TBC1D8: variants seen among roughly 807,000 people sequenced by gnomAD.
The protein encoded by TBC1D8 is TBC1 domain family member 8, also known as BUB2-like protein 1.
Under a neutral mutation model 118.8 loss-of-function variants are expected in TBC1D8, and 65 were observed. That is an observed-to-expected ratio of 0.55 (90% CI 0.45 to 0.67). The LOEUF (loss-of-function observed/expected upper bound fraction) is 0.67. Among genes scored for constraint, TBC1D8 ranks in the 30% least tolerant of loss-of-function variants. The probability of loss-of-function intolerance (pLI) is 0.00; values close to 1 mark genes in which losing one functional copy is unlikely to be tolerated. For synonymous variants in TBC1D8, 566 were observed against 595.8 expected, an observed-to-expected ratio of 0.95 and a Z score of 0.73; for missense variants, 1,376 against 1,471.2, an observed-to-expected ratio of 0.94 and a Z score of 1.06.
chr2:101,091,220 G>A (rs1676014191), intron 1 of TBC1D8, among the ~76,000 whole-genome samples: 1 of 152,174 alleles, frequency 6.6e-6, no homozygotes, highest in Non-Finnish European at 1.5e-5. Context: ...AGCAGGTGGA[G>A]GTTGCAGCAA....
At chr2:101,131,770 G>A (rs1332849099) in intron 1 of TBC1D8, among the ~76,000 whole-genome samples, 1 of 152,000 alleles carries the variant, frequency 6.6e-6, no homozygotes, top group African/African-American at 2.4e-5. Flanking sequence ...AGCCAAGATC[G>A]TGACACGACA....
At chr2:101,096,048 T>G (rs1676398306) in intron 1 of TBC1D8, among the ~76,000 whole-genome samples, 1 of 152,172 alleles carries the variant, frequency 6.6e-6, no homozygotes, top group Non-Finnish European at 1.5e-5. Context: ...TCAGACTCTA[T>G]TTGAGAAAGA....
intron 1 of TBC1D8, among the ~76,000 whole-genome samples, chr2:101,120,191 T>G (rs1356333983): frequency 6.6e-6 from 1 of 152,172 alleles, no homozygotes; most frequent in Non-Finnish European, 1.5e-5. Flanking sequence ...CCTTCACATC[T>G]TGCCCACAAC....
At chr2:101,037,140 G>A (rs1681057773) in intron 8 of TBC1D8, among the ~76,000 whole-genome samples, 1 of 152,080 alleles carries the variant, frequency 6.6e-6, no homozygotes, top group Non-Finnish European at 1.5e-5. Flanking sequence ...AATATTTCCA[G>A]TTTAGTAAAA....
chr2:101,107,240 GA>G (rs1312740144), intron 1 of TBC1D8, among the ~76,000 whole-genome samples: 1 of 152,186 alleles, frequency 6.6e-6, no homozygotes, highest in Non-Finnish European at 1.5e-5. Context: ...GCTTACTATA[GA>G]TACAAAGGGT....
chr2:101,139,507 C>T (rs1253072398), intron 1 of TBC1D8, among the ~76,000 whole-genome samples: 5 of 151,810 alleles, frequency 3.3e-5, no homozygotes, highest in Admixed American at 6.6e-5. Flanking sequence ...CAGAGCAGAC[C>T]CCTCCCTCCT....
intron 15 of TBC1D8, among the ~76,000 whole-genome samples, chr2:101,024,365 G>A (rs1680213069): frequency 6.6e-6 from 1 of 150,922 alleles, no homozygotes; most frequent in Non-Finnish European, 1.5e-5. Flanking sequence ...GGAGTGTGGG[G>A]AAATGAGTCC....
chr2:101,029,186 C>T (rs1018828190), intron 12 of TBC1D8, among the ~76,000 whole-genome samples: 3 of 152,128 alleles, frequency 2.0e-5, no homozygotes, highest in Admixed American at 6.6e-5. Flanking sequence ...GCCAGGAGTT[C>T]GAGACCAACC....
At chr2:101,138,839 T>C (rs553311456) in intron 1 of TBC1D8, among the ~76,000 whole-genome samples, 2 of 152,036 alleles carry the variant, frequency 1.3e-5, no homozygotes, top group Non-Finnish European at 2.9e-5. Context: ...ATCATTAATC[T>C]CCAGCCCCTG....
intron 1 of TBC1D8, among the ~76,000 whole-genome samples, chr2:101,130,419 C>T (rs1678542680): frequency 6.6e-6 from 1 of 152,172 alleles, no homozygotes; most frequent in African/African-American, 2.4e-5. Flanking sequence ...GAGAAGGTGC[C>T]AGAAAGACTT....
At chr2:101,042,781 G>C (rs1681462604) in intron 5 of TBC1D8, among the ~76,000 whole-genome samples, 1 of 151,618 alleles carries the variant, frequency 6.6e-6, no homozygotes, top group Admixed American at 6.6e-5. Context: ...ATTTTCTTTA[G>C]GGAAAAGTAC....
At chr2:101,120,755 C>T (rs1472300210) in intron 1 of TBC1D8, among the ~76,000 whole-genome samples, 3 of 152,210 alleles carry the variant, frequency 2.0e-5, no homozygotes, top group African/African-American at 7.2e-5. Flanking sequence ...GCCAAGTGCC[C>T]CATGGGCAGT....
At chr2:101,143,865 C>A (rs1297006430) in intron 1 of TBC1D8, among the ~76,000 whole-genome samples, 3 of 152,216 alleles carry the variant, frequency 2.0e-5, no homozygotes, top group African/African-American at 4.8e-5. Flanking sequence ...CCGGCATCAA[C>A]AGGTAGTCCT....
At chr2:101,069,786 A>AT (rs941453069) in intron 2 of TBC1D8, among the ~76,000 whole-genome samples, 1 of 151,892 alleles carries the variant, frequency 6.6e-6, no homozygotes, top group African/African-American at 2.4e-5. Context: ...ATTTTATGGG[A>AT]TTTTTTTTCT....
intron 17 of TBC1D8, among the ~76,000 whole-genome samples, chr2:101,014,156 T>C (rs1679439756): frequency 6.6e-6 from 1 of 152,218 alleles, no homozygotes; most frequent in South Asian, 2.1e-4. Context: ...TAGTTTTCTT[T>C]TGTTGAAAAG....
chr2:101,018,850 A>G (rs1211409892), intron 17 of TBC1D8: 14 of 960,418 alleles, frequency 1.5e-5, no homozygotes, highest in Middle Eastern at 2.2e-4. Flanking sequence ...TGAAAGTCCA[A>G]TTAGTATAAT....
chr2:101,061,742 T>C (rs1682764970), intron 2 of TBC1D8, among the ~76,000 whole-genome samples: 1 of 152,168 alleles, frequency 6.6e-6, no homozygotes, highest in South Asian at 2.1e-4. Context: ...TAGCAGAAGC[T>C]TCCTCTGAGG....
intron 2 of TBC1D8, among the ~76,000 whole-genome samples, chr2:101,086,339 A>C (rs1300656671): frequency 6.6e-6 from 1 of 152,194 alleles, no homozygotes; most frequent in Non-Finnish European, 1.5e-5. Flanking sequence ...TGAAGTGGAA[A>C]AGTTAAATGA....
At chr2:101,106,819 G>T (rs1015903715) in intron 1 of TBC1D8, among the ~76,000 whole-genome samples, 1 of 152,192 alleles carries the variant, frequency 6.6e-6, no homozygotes, top group Admixed American at 6.5e-5. Flanking sequence ...TAAACAACCG[G>T]TACTGTGCCC....
Sources: allele counts gnomAD v4.1 joint callset (sites outside exome capture counted in the v4.1 genomes callset), GRCh38; gene constraint gnomAD v4.1.1; transcripts MANE v1.5; gene names NCBI Gene and HGNC (gene_info 2026-07-23, HGNC 2026-07-21).